Variants in SHQ1 observed in about 807,000 individuals in gnomAD.
SHQ1 encodes protein SHQ1 homolog.
A neutral mutation model predicts 53.8 loss-of-function variants in SHQ1; 49 were observed. That is an observed-to-expected ratio of 0.91 (90% confidence interval 0.72 to 1.16). The LOEUF is 1.16. Among genes scored for constraint, SHQ1 ranks in the 50% most tolerant of loss-of-function variants. The pLI, the probability that SHQ1 is intolerant of heterozygous loss-of-function variation, is 0.00. For missense variants in SHQ1, 738 were observed against 683.1 expected (o/e 1.08, Z -0.90); for synonymous variants, 243 against 251.0 (o/e 0.97, Z 0.30).
chr3:72,831,386 T>C (rs1707814438), intron 5 of SHQ1, among the ~76,000 whole-genome samples: 1 of 152,178 alleles, frequency 6.6e-6, no homozygotes, highest in African/African-American at 2.4e-5. Flanking sequence ...ATATACAAAA[T>C]GACAAATGGA....
chr3:72,790,738 A>C (rs1257595494), intron 10 of SHQ1, among the ~76,000 whole-genome samples: 1 of 152,216 alleles, frequency 6.6e-6, no homozygotes, highest in African/African-American at 2.4e-5. Context: ...AAAGAGAGAA[A>C]AAAATAGCTG....
chr3:72,808,698 C>T (rs1021300787), intron 9 of SHQ1, among the ~76,000 whole-genome samples: 9 of 151,976 alleles, frequency 5.9e-5, no homozygotes, highest in Non-Finnish European at 1.2e-4. Flanking sequence ...ATGGGGTGTC[C>T]GAACAAACGA....
chr3:72,784,374 C>T (rs1307267252), intron 10 of SHQ1, among the ~76,000 whole-genome samples: 1 of 151,972 alleles, frequency 6.6e-6, no homozygotes, highest in Non-Finnish European at 1.5e-5. Flanking sequence ...AGCAACAGTC[C>T]CCAGTGGGCA....
At chr3:72,725,552 T>C in the SHQ1 span, among the ~76,000 whole-genome samples, 3 of 152,208 alleles carry the variant, frequency 2.0e-5, no homozygotes, top group African/African-American at 7.2e-5. Context: ...TTCGTCCTGC[T>C]CATTTTCTTC....
intron 8 of SHQ1, among the ~76,000 whole-genome samples, chr3:72,814,963 T>A (rs1026176599): frequency 6.6e-6 from 1 of 152,166 alleles, no homozygotes; most frequent in African/African-American, 2.4e-5. Flanking sequence ...AAAAATCATA[T>A]AAAAAACATT....
chr3:72,846,225 C>A, intron 1 of SHQ1: 1 of 1,535,624 alleles, frequency 6.5e-7, no homozygotes, highest in South Asian at 1.2e-5. Flanking sequence ...ATGGGGCCTC[C>A]GCAGCTACAG....
intron 10 of SHQ1, among the ~76,000 whole-genome samples, chr3:72,751,508 G>GTATATATA (rs371779807): frequency 1.1e-4 from 13 of 116,984 alleles, no homozygotes; most frequent in African/African-American, 4.4e-4. Context: ...GTGTGTGTGT[G>GTATATATA]TATATATATA....
At chr3:72,795,542 T>C (rs1706582607) in intron 9 of SHQ1, 1 of 152,216 alleles carries the variant, frequency 6.6e-6, no homozygotes, top group Non-Finnish European at 1.5e-5. Context: ...GAAGTTTTAA[T>C]TGCCACAGAG....
At chr3:72,813,880 T>G (rs1575715649) in intron 8 of SHQ1, among the ~76,000 whole-genome samples, 2 of 150,204 alleles carry the variant, frequency 1.3e-5, no homozygotes, top group African/African-American at 2.4e-5. Flanking sequence ...GACATTTACT[T>G]GAGTAATTTG....
intron 10 of SHQ1, among the ~76,000 whole-genome samples, chr3:72,782,663 G>C (rs1706102908): frequency 6.6e-6 from 1 of 152,150 alleles, no homozygotes; most frequent in Non-Finnish European, 1.5e-5. Flanking sequence ...CTTCAGCTGA[G>C]ATAATTATGT....
chr3:72,732,388 G>GCCTGCCTTCCTTCCTTCCTTCCTTCCTT, the SHQ1 span, among the ~76,000 whole-genome samples: 6 of 58,164 alleles, frequency 1.0e-4, no homozygotes, highest in South Asian at 7.4e-4. Context: ...CTGCCTGCCT[G>GCCTGCCTTCCTTCCTTCCTTCCTTCCTT]CCTTCCTTCC....
At position 72,848,200 on chromosome 3, in the gene SHQ1, G is replaced by A. The variant is rs755226594; in HGVS notation, c.141C>T (p.Leu47=). The part of the protein sequence containing the change: ...DFKFYAKPYF[L]RLTLPGRIVE... The stretch of plus-strand genomic sequence containing the variant: ...GCGGCCAGGCACCCCGAACTCGCCT[G>A]AGAAAGTATGGCTTGGCGTAGAACT... Residue 47 remains leucine, a splice_region_variant and synonymous_variant, in exon 1 of 11, where the codon CTC becomes CTT. Transcript: ENST00000325599. 2 of 1,614,222 alleles carry A rather than the reference G, an allele frequency of 1.2e-6. No homozygotes were observed. Among genetic ancestry groups the A allele is most frequent in the Admixed American group, 3.3e-5 (2 of 60,030 alleles).
intron 3 of SHQ1, among the ~76,000 whole-genome samples, chr3:72,841,541 G>A (rs1485911251): frequency 6.6e-6 from 1 of 152,160 alleles, no homozygotes; most frequent in Non-Finnish European, 1.5e-5. Flanking sequence ...CAAAACAGAG[G>A]ATAGTGGTTA....
intron 10 of SHQ1, among the ~76,000 whole-genome samples, chr3:72,755,395 C>G (rs1405437155): frequency 6.6e-6 from 1 of 152,174 alleles, no homozygotes; most frequent in African/African-American, 2.4e-5. Context: ...TTTAATACCT[C>G]AAGCTGGCTA....
chr3:72,821,998 C>T (rs1707492612), intron 6 of SHQ1, among the ~76,000 whole-genome samples: 1 of 152,152 alleles, frequency 6.6e-6, no homozygotes, highest in Admixed American at 6.5e-5. Flanking sequence ...CCTGGCTCTC[C>T]TGTGACTGAT....
chr3:72,846,568 G>C (rs1000674424), intron 1 of SHQ1, among the ~76,000 whole-genome samples: 1 of 152,106 alleles, frequency 6.6e-6, no homozygotes, highest in East Asian at 1.9e-4. Context: ...AAAGTGCTGG[G>C]ATTACAGGAG....
chr3:72,813,760 C>CAAA (rs757465696), intron 8 of SHQ1, among the ~76,000 whole-genome samples: 106 of 40,476 alleles, frequency 2.6e-3, no homozygotes, highest in African/African-American at 9.3e-3. Context: ...GACACCATCT[C>CAAA]AAAAAAAAAA....
chr3:72,830,515 G>A (rs1707793859), intron 5 of SHQ1, among the ~76,000 whole-genome samples: 2 of 151,530 alleles, frequency 1.3e-5, no homozygotes, highest in South Asian at 4.2e-4. Context: ...AAAAAGCACT[G>A]AGCTAAAAAA....
At chr3:72,818,413 C>T (rs1045163882) in intron 6 of SHQ1, among the ~76,000 whole-genome samples, 7 of 152,036 alleles carry the variant, frequency 4.6e-5, no homozygotes, top group African/African-American at 1.7e-4. Context: ...AGTAGACTCT[C>T]GAGACTGTAT....
Sources: gnomAD v4.1 joint callset for allele counts (sites outside exome capture counted in the v4.1 genomes callset) on GRCh38, gnomAD v4.1.1 for gene constraint, MANE v1.5 for transcripts, NCBI Gene and HGNC (gene_info 2026-07-23, HGNC 2026-07-21) for gene names.